TEAD1: variants seen among roughly 807,000 people sequenced by gnomAD.
The protein encoded by TEAD1 is TEA domain transcription factor 1, also known as transcriptional enhancer factor TEF-1.
In TEAD1, 9 loss-of-function variants were observed where a neutral mutation model predicts 54.9. The ratio of observed to expected loss-of-function variants is 0.16; its 90% CI spans 0.10 to 0.29. TEAD1 has a LOEUF of 0.29. Among genes scored for constraint, TEAD1 ranks in the 10% least tolerant of loss-of-function variants. The pLI is 1.00. For synonymous variants in TEAD1, 200 were observed against 187.8 expected (o/e 1.07, Z -0.53); for missense variants, 387 against 535.9 (o/e 0.72, Z 2.74).
intron 2 of TEAD1, among the ~76,000 whole-genome samples, chr11:12,717,577 C>T (rs977768523): frequency 6.6e-6 from 1 of 152,134 alleles, no homozygotes; most frequent in Non-Finnish European, 1.5e-5. Context: ...ACACGATCTT[C>T]CTGCAGTAAC....
At chr11:12,879,625 C>G in intron 5 of TEAD1, 83 bp from the exon 6 acceptor site, 1 of 1,566,296 alleles carries the variant, frequency 6.4e-7, no homozygotes, top group Non-Finnish European at 8.8e-7. Flanking sequence ...TATTTTAGTC[C>G]ATGTGCTCGT....
chr11:12,791,747 G>GT (rs1945806941), intron 3 of TEAD1, among the ~76,000 whole-genome samples: 1 of 152,160 alleles, frequency 6.6e-6, no homozygotes, highest in Non-Finnish European at 1.5e-5. Flanking sequence ...GTTCCTATAA[G>GT]TAAGTGATAA....
intron 3 of TEAD1, among the ~76,000 whole-genome samples, chr11:12,851,656 C>T (rs1947277442): frequency 1.3e-5 from 2 of 151,918 alleles, no homozygotes; most frequent in South Asian, 4.2e-4. Context: ...AAAAGTTAGC[C>T]AGACATGGTG....
intron 2 of TEAD1, among the ~76,000 whole-genome samples, chr11:12,734,006 A>T (rs1402046520): frequency 1.3e-5 from 2 of 152,054 alleles, no homozygotes; most frequent in Non-Finnish European, 2.9e-5. Flanking sequence ...TGCAGCCTTG[A>T]ACTTGTAGGC....
chr11:12,722,930 C>T (rs1677792477), intron 2 of TEAD1, among the ~76,000 whole-genome samples: 1 of 152,086 alleles, frequency 6.6e-6, no homozygotes, highest in South Asian at 2.1e-4. Context: ...TATCATCCCA[C>T]AGGCTGAATT....
chr11:12,708,119 C>G (rs1286952313), intron 2 of TEAD1, among the ~76,000 whole-genome samples: 1 of 151,032 alleles, frequency 6.6e-6, no homozygotes, highest in East Asian at 2.0e-4. Flanking sequence ...TCAATTCCAG[C>G]AGCTGCTCAC....
chr11:12,839,186 G>C (rs1301063527), intron 3 of TEAD1, among the ~76,000 whole-genome samples: 1 of 152,050 alleles, frequency 6.6e-6, no homozygotes, highest in African/African-American at 2.4e-5. Flanking sequence ...AGAGGCCAGT[G>C]GATCACCTGA....
At chr11:12,744,707 A>T (rs552291487) in intron 2 of TEAD1, among the ~76,000 whole-genome samples, 1 of 152,342 alleles carries the variant, frequency 6.6e-6, no homozygotes, top group South Asian at 2.1e-4. Flanking sequence ...CCGATTAAAA[A>T]TTTAAAAATT....
intron 3 of TEAD1, among the ~76,000 whole-genome samples, chr11:12,779,580 C>T (rs994844982): frequency 2.6e-5 from 4 of 152,184 alleles, no homozygotes; most frequent in African/African-American, 9.7e-5. Flanking sequence ...TTAGAATACC[C>T]AGTTCATTCT....
intron 2 of TEAD1, among the ~76,000 whole-genome samples, chr11:12,733,448 A>T (rs989815436): frequency 4.6e-5 from 7 of 152,154 alleles, no homozygotes; most frequent in African/African-American, 1.7e-4. Context: ...GAAGGGAAGG[A>T]GGTTTCTTTG....
intron 3 of TEAD1, among the ~76,000 whole-genome samples, chr11:12,807,302 A>G (rs1168168621): frequency 6.6e-6 from 1 of 152,208 alleles, no homozygotes; most frequent in Non-Finnish European, 1.5e-5. Flanking sequence ...CCGCTCAAAT[A>G]CAGTCTTTCA....
intron 3 of TEAD1, among the ~76,000 whole-genome samples, chr11:12,852,176 G>A (rs1947287611): frequency 6.6e-6 from 1 of 152,216 alleles, no homozygotes; most frequent in South Asian, 2.1e-4. Flanking sequence ...GGAACTCTAT[G>A]AAGAGCCACA....
chr11:12,728,919 TTG>T (rs1944366670), intron 2 of TEAD1, among the ~76,000 whole-genome samples: 1 of 152,178 alleles, frequency 6.6e-6, no homozygotes, highest in South Asian at 2.1e-4. Context: ...ACCATGGCTA[TTG>T]TGTGGGTGGT....
chr11:12,919,427 T>C (rs1254443104), intron 10 of TEAD1, among the ~76,000 whole-genome samples: 1 of 152,214 alleles, frequency 6.6e-6, no homozygotes, highest in Non-Finnish European at 1.5e-5. Context: ...TATCACCATA[T>C]TAACTGACAA....
intron 5 of TEAD1, among the ~76,000 whole-genome samples, chr11:12,872,153 A>G (rs1947760300): frequency 1.3e-5 from 2 of 152,216 alleles, no homozygotes; most frequent in African/African-American, 2.4e-5. Context: ...GGGCATTGCT[A>G]AAGTCCACAC....
chr11:12,899,869 C>T (rs560590473), intron 9 of TEAD1, among the ~76,000 whole-genome samples: 1 of 152,212 alleles, frequency 6.6e-6, no homozygotes, highest in Non-Finnish European at 1.5e-5. Context: ...CTCAGTTGCA[C>T]TGCCCCTTAT....
chr11:12,703,588 A>G (rs923121230), intron 2 of TEAD1, among the ~76,000 whole-genome samples: 4 of 152,108 alleles, frequency 2.6e-5, no homozygotes, highest in Admixed American at 1.3e-4. Flanking sequence ...CACTTTCACC[A>G]TCATCCTTCG....
intron 10 of TEAD1, among the ~76,000 whole-genome samples, chr11:12,910,061 C>G (rs996858866): frequency 2.6e-5 from 4 of 152,138 alleles, no homozygotes; most frequent in Non-Finnish European, 5.9e-5. Flanking sequence ...GAGATTCAGG[C>G]AGATGGATTG....
intron 3 of TEAD1, among the ~76,000 whole-genome samples, chr11:12,822,212 T>C (rs1360040649): frequency 2.9e-4 from 44 of 152,128 alleles, no homozygotes; most frequent in Admixed American, 2.9e-3. Context: ...TCCGCCCGCC[T>C]CGGCCTCCCG....
Sources: allele counts gnomAD v4.1 joint callset (sites outside exome capture counted in the v4.1 genomes callset), GRCh38; gene constraint gnomAD v4.1.1; transcripts MANE v1.5; gene names NCBI Gene and HGNC (gene_info 2026-07-23, HGNC 2026-07-21).